FSTL5: variants seen among roughly 807,000 people sequenced by gnomAD.
The protein encoded by FSTL5 is follistatin-related protein 5.
FSTL5 carries 62 observed loss-of-function variants against 89.1 expected under a neutral mutation model. That is an observed-to-expected ratio of 0.70 (90% CI 0.57 to 0.86). FSTL5 has a LOEUF of 0.86. Ranked by LOEUF, FSTL5 falls within the 40% of genes least tolerant of loss-of-function variation. FSTL5 has a pLI of 0.00. For synonymous variants in FSTL5, 383 were observed against 346.2 expected (o/e 1.11, Z -1.18); for missense variants, 1,057 against 1,001.6 (o/e 1.06, Z -0.75).
At chr4:161,853,798 TGGTTTACCCA>T (rs1490547900) in intron 4 of FSTL5, among the ~76,000 whole-genome samples, 1 of 152,106 alleles carries the variant, frequency 6.6e-6, no homozygotes, top group African/African-American at 2.4e-5. Flanking sequence ...TCATTAAAAA[TGGTTTACCCA>T]GGTTCTGACA....
intron 2 of FSTL5, among the ~76,000 whole-genome samples, chr4:162,100,196 C>T (rs1405266841): frequency 6.6e-5 from 10 of 152,280 alleles, no homozygotes; most frequent in African/African-American, 2.4e-4. Flanking sequence ...AATGTAAAAA[C>T]AAACTGTGGT....
chr4:161,575,880 T>C (rs761296983), intron 8 of FSTL5, among the ~76,000 whole-genome samples: 18 of 152,202 alleles, frequency 1.2e-4, no homozygotes, highest in Non-Finnish European at 2.2e-4. Context: ...AGTAAAATTG[T>C]CTCTGTTTGG....
At chr4:161,923,541 T>C (rs1021102438) in intron 3 of FSTL5, among the ~76,000 whole-genome samples, 1 of 151,860 alleles carries the variant, frequency 6.6e-6, no homozygotes, top group Non-Finnish European at 1.5e-5. Flanking sequence ...TGTATAATTT[T>C]ATGTCATATT....
intron 4 of FSTL5, among the ~76,000 whole-genome samples, chr4:161,834,096 T>C (rs1157750017): frequency 6.6e-6 from 1 of 152,162 alleles, no homozygotes; most frequent in East Asian, 1.9e-4. Context: ...TCAAAAAGCT[T>C]ATCCACCATG....
chr4:162,055,281 A>G (rs1738501549), intron 2 of FSTL5, among the ~76,000 whole-genome samples: 1 of 151,762 alleles, frequency 6.6e-6, no homozygotes, highest in African/African-American at 2.4e-5. Flanking sequence ...CTATAATTCA[A>G]AGAGCAATTT....
chr4:162,071,969 T>C (rs758808273), intron 2 of FSTL5, among the ~76,000 whole-genome samples: 4 of 151,708 alleles, frequency 2.6e-5, no homozygotes, highest in Non-Finnish European at 4.4e-5. Context: ...ACACAAACAT[T>C]AGGTGCTAAT....
At chr4:161,937,142 G>C (rs1734455401) in intron 3 of FSTL5, among the ~76,000 whole-genome samples, 1 of 151,934 alleles carries the variant, frequency 6.6e-6, no homozygotes, top group African/African-American at 2.4e-5. Flanking sequence ...AAAAAATACT[G>C]TAAAAACACA....
chr4:161,481,243 A>G, intron 12 of FSTL5, 74 bp from the exon 13 acceptor site: 2 of 1,171,466 alleles, frequency 1.7e-6, no homozygotes, highest in South Asian at 3.4e-5. Flanking sequence ...CATGGGTAAA[A>G]TTAATGTTTC....
intron 4 of FSTL5, among the ~76,000 whole-genome samples, chr4:161,865,849 G>T (rs577960430): frequency 4.4e-4 from 67 of 152,230 alleles, no homozygotes; most frequent in Middle Eastern, 3.4e-3. Flanking sequence ...GTGCAAACAG[G>T]AATTATTTTA....
At chr4:161,624,763 T>C (rs930576265) in intron 7 of FSTL5, among the ~76,000 whole-genome samples, 1 of 152,112 alleles carries the variant, frequency 6.6e-6, no homozygotes, top group Admixed American at 6.6e-5. Context: ...AAAATAAGTA[T>C]TACCTTTTCT....
At chr4:161,686,490 C>G (rs1419270184) in intron 6 of FSTL5, among the ~76,000 whole-genome samples, 1 of 148,968 alleles carries the variant, frequency 6.7e-6, no homozygotes, top group East Asian at 2.0e-4. Flanking sequence ...TCCTGAGTAG[C>G]TGGGACCACA....
chr4:161,904,912 CTATGTA>C (rs1228360521), intron 4 of FSTL5, among the ~76,000 whole-genome samples: 2 of 151,666 alleles, frequency 1.3e-5, no homozygotes, highest in Admixed American at 6.6e-5. Flanking sequence ...TCATGTAAAT[CTATGTA>C]TATGTATATG....
At chr4:161,827,650 A>T (rs565653942) in intron 4 of FSTL5, among the ~76,000 whole-genome samples, 104 of 152,236 alleles carry the variant, frequency 6.8e-4, no homozygotes, top group African/African-American at 1.9e-3. Context: ...AGATGGGGGC[A>T]TGGTTCTCAG....
intron 4 of FSTL5, among the ~76,000 whole-genome samples, chr4:161,795,374 C>T (rs1729603092): frequency 6.6e-6 from 1 of 151,952 alleles, no homozygotes; most frequent in African/African-American, 2.4e-5. Context: ...AGAAAGAATA[C>T]CAAGAAAACA....
intron 12 of FSTL5, among the ~76,000 whole-genome samples, chr4:161,485,040 A>T (rs1248874777): frequency 6.6e-6 from 1 of 152,214 alleles, no homozygotes; most frequent in African/African-American, 2.4e-5. Flanking sequence ...ATTATATGAG[A>T]TTCAAATTTA....
At chr4:162,011,668 T>C (rs1030820632) in intron 3 of FSTL5, among the ~76,000 whole-genome samples, 3 of 152,144 alleles carry the variant, frequency 2.0e-5, no homozygotes, top group African/African-American at 7.2e-5. Flanking sequence ...TAATTATTTT[T>C]GTATTTTTAG....
At chr4:161,914,835 C>T (rs1579189953) in intron 4 of FSTL5, among the ~76,000 whole-genome samples, 1 of 152,138 alleles carries the variant, frequency 6.6e-6, no homozygotes, top group African/African-American at 2.4e-5. Context: ...TAGTCTTAAA[C>T]CCAATAATAA....
At chr4:161,752,274 T>TA (rs1560825626) in intron 6 of FSTL5, among the ~76,000 whole-genome samples, 28 of 150,938 alleles carry the variant, frequency 1.9e-4, no homozygotes, top group Admixed American at 5.3e-4. Flanking sequence ...GATAGATAGA[T>TA]GGAATGTTTC....
intron 4 of FSTL5, among the ~76,000 whole-genome samples, chr4:161,875,473 C>A (rs530097123): frequency 1.3e-5 from 2 of 152,268 alleles, no homozygotes; most frequent in East Asian, 3.9e-4. Context: ...ACCAATCAGA[C>A]TGATGGCAGA....
Sources: allele counts gnomAD v4.1 joint callset (sites outside exome capture counted in the v4.1 genomes callset), GRCh38; gene constraint gnomAD v4.1.1; transcripts MANE v1.5; gene names NCBI Gene and HGNC (gene_info 2026-07-23, HGNC 2026-07-21).